TFIP11: variants seen among roughly 807,000 people sequenced by gnomAD.
TFIP11 encodes the protein tuftelin-interacting protein 11.
TFIP11 carries 86 observed loss-of-function variants against 96.8 expected under a neutral mutation model. The ratio of observed to expected loss-of-function variants is 0.89; its 90% CI spans 0.75 to 1.06. The LOEUF is 1.06. TFIP11 is among the 50% of genes least tolerant of loss of function. The probability of loss-of-function intolerance (pLI) is 0.00; values close to 1 mark genes in which losing one functional copy is unlikely to be tolerated. For synonymous variants in TFIP11, 405 were observed against 395.2 expected, an observed-to-expected ratio of 1.02 and a Z score of -0.29; for missense variants, 881 against 1,076.7, an observed-to-expected ratio of 0.82 and a Z score of 2.54.
At chr22:26,494,697 T>C in intron 13 of TFIP11, 100 bp downstream of exon 13, 1 of 1,507,648 alleles carries the variant, frequency 6.6e-7, no homozygotes, top group Non-Finnish European at 9.0e-7. Flanking sequence ...TGTAATTTAT[T>C]TTCATTATGG....
intron 11 of TFIP11, 66 bp from the exon 12 acceptor site, chr22:26,496,382 G>A: frequency 7.2e-6 from 11 of 1,526,526 alleles, no homozygotes; most frequent in Non-Finnish European, 9.7e-6. Context: ...CCCCTGTGTG[G>A]CTAAAGGCAA....
In TFIP11 at chr22:26,492,067, G is replaced by A. The variant is rs16982207; in HGVS notation, c.2460C>T (p.Gly820=). The change falls in exon 15 of 15, where the codon GGC becomes GGT. Residue 820 remains glycine (G), a synonymous_variant. Transcript: ENST00000407690. The part of the protein sequence containing the change: ...YIDRGVVFVQ[G]EKTWVPTSLQ... Reference sequence around the variant, plus strand: ...GTGAGGTGGGCACCCACGTCTTCTCGCCCTGGACAAAGACCACTCCCCGGT... The same window carrying A: ...GTGAGGTGGGCACCCACGTCTTCTCACCCTGGACAAAGACCACTCCCCGGT... 2.7e-3 allele frequency: 4,336 copies of A among 1,611,480 alleles called. 94 individuals carry two copies. The African/African-American group carries it at 0.05, about 19-fold the overall frequency.
In TFIP11 at chr22:26,506,859, T is replaced by C. The variant is rs1358414274; in HGVS notation, c.279A>G (p.Ala93=). ...CTTCGTCATCAGAATCTTCCAACTCTGCCTCCTCCGCTGCCCCTTTCTTGA... is the reference window on the plus strand; with the variant it reads ...CTTCGTCATCAGAATCTTCCAACTCCGCCTCCTCCGCTGCCCCTTTCTTGA... ...AGLKKGAAEE[A]ELEDSDDEEK... is the part of the protein sequence containing the mutation. Residue 93 remains alanine, a synonymous_variant, in exon 5 of 15, where the codon GCA becomes GCG. Transcript: ENST00000407690. 6.2e-7 allele frequency: 1 copy of C among 1,614,102 alleles called. No homozygotes were observed. The highest frequency in any genetic ancestry group is 2.2e-5 in the East Asian group (1 of 44,894).
Position 26,492,113 on chromosome 22 carries a change from C to T in TFIP11, c.2414G>A (p.Gly805Asp). 6.2e-7 allele frequency: 1 copy of T among 1,614,158 alleles called. No individual in the cohort carries two copies. The highest frequency in any genetic ancestry group is 8.5e-7 in the Non-Finnish European group (1 of 1,180,000). The change falls in exon 15 of 15, where the codon GGC (glycine) becomes GAC (aspartate). Residue 805 changes from glycine to aspartate, a missense_variant. Transcript: ENST00000407690. Reference protein sequence around the residue: ...RHEGKQLYTFGRIVIYIDRGV... With the variant: ...RHEGKQLYTFDRIVIYIDRGV... ...CCGGTCGATGTAGATCACAATGCGGCCAAAGGTGTAGAGCTGCTTCCCTTC... is the reference window on the plus strand; with the variant it reads ...CCGGTCGATGTAGATCACAATGCGGTCAAAGGTGTAGAGCTGCTTCCCTTC...
chr22:26,506,155 G>A, intron 6 of TFIP11, 148 bp downstream of exon 6: 1 of 735,938 alleles, frequency 1.4e-6, no homozygotes, highest in South Asian at 2.9e-5. Flanking sequence ...AAGCAAGGTA[G>A]CTTAGGAACG....
At position 26,492,273 on chromosome 22, in the gene TFIP11, G is replaced by A. The variant is rs777944340; in HGVS notation, c.2254C>T (p.Arg752Trp). The A allele has an allele frequency of 9.3e-6, 15 of 1,614,054 alleles. No homozygotes were observed. Among genetic ancestry groups the A allele is most frequent in the African/African-American group, 1.3e-5 (1 of 74,904 alleles). ...CTCTGAGCCATGTTCTCAGCCTCCC[G>A]CCTCTCCTGCATGGCCTCGTACTGG... Reference protein sequence around the residue: ...DFQYEAMQERREAENMAQRGI... With the variant: ...DFQYEAMQERWEAENMAQRGI... Residue 752 changes from arginine to tryptophan, a missense_variant, in exon 15 of 15, where the codon CGG becomes TGG. Transcript: ENST00000407690.
chr22:26,496,995 T>A, intron 10 of TFIP11, 106 bp from the exon 11 acceptor site: 2 of 1,352,972 alleles, frequency 1.5e-6, no homozygotes, highest in Non-Finnish European at 2.0e-6. Flanking sequence ...TGCAACAGCA[T>A]GGAAATCCAA....
At chr22:26,499,664 C>G (rs370407561) in intron 8 of TFIP11, 33 bp from the exon 9 acceptor site, 2 of 1,570,752 alleles carry the variant, frequency 1.3e-6, no homozygotes, top group Non-Finnish European at 8.6e-7. Flanking sequence ...AGGTTAACAC[C>G]GCTGCAGCCC....
intron 4 of TFIP11, among the ~76,000 whole-genome samples, 156 bp downstream of exon 4, chr22:26,509,908 T>G (rs1294263658): frequency 6.6e-6 from 1 of 152,118 alleles, no homozygotes; most frequent in Non-Finnish European, 1.5e-5. Flanking sequence ...CACTCTAGCC[T>G]AAAGAGGAAA....
At chr22:26,499,702 A>G in intron 8 of TFIP11, 71 bp from the exon 9 acceptor site, 4 of 1,485,740 alleles carry the variant, frequency 2.7e-6, no homozygotes, top group Non-Finnish European at 3.6e-6. Flanking sequence ...AGCCCAGGGG[A>G]AGGCCCCATG....
At chr22:26,506,199 G>A (rs1923384091) in intron 6 of TFIP11, 104 bp downstream of exon 6, 1 of 1,304,430 alleles carries the variant, frequency 7.7e-7, no homozygotes, top group Non-Finnish European at 1.0e-6. Flanking sequence ...AGGCTGGAGA[G>A]ATAAAGTGCT....
intron 8 of TFIP11, among the ~76,000 whole-genome samples, chr22:26,501,073 C>T (rs978752024): frequency 6.6e-6 from 1 of 151,738 alleles, no homozygotes; most frequent in Non-Finnish European, 1.5e-5. Context: ...TTAGTAGAGA[C>T]GGGGTTTCAC....
rs1048479505 is a variant in TFIP11 at position 26,492,362 on chromosome 22, T to C, written c.2165A>G (p.Tyr722Cys). The part of the protein sequence containing the change: ...NRAVSSNVGA[Y>C]MQPGARENIA... ...GTTCTCCCGTGCTCCTGGCTGCATG[T>C]AGGCACCTAAGATACAGGAGGACAG... The change falls in exon 15 of 15, where the codon TAC becomes TGC. Residue 722 changes from tyrosine (Y) to cysteine (C), a missense_variant. Coordinates refer to ENST00000407690, the MANE Select transcript of TFIP11 (RefSeq NM_012143.4). 3.1e-6 allele frequency: 5 copies of C among 1,613,918 alleles called. No individual in the cohort carries two copies. Among genetic ancestry groups the C allele is most frequent in the African/African-American group, 2.7e-5 (2 of 74,900 alleles).
At chr22:26,502,211 ACTAT>A (rs2147137960) in intron 7 of TFIP11, 159 bp from the exon 8 acceptor site, 2 of 794,182 alleles carry the variant, frequency 2.5e-6, no homozygotes, top group Non-Finnish European at 4.0e-6. Context: ...AGACACCAAA[ACTAT>A]CTAATGATAC....
At chr22:26,498,582 G>T in intron 10 of TFIP11, 20 of 236,740 alleles carry the variant, frequency 8.4e-5, no homozygotes, top group Non-Finnish European at 1.5e-4. Flanking sequence ...TGGATTCAAT[G>T]TATACTTCTC....
Position 26,506,940 on chromosome 22 carries a change from G to A in TFIP11, c.210-12C>T, listed in dbSNP as rs1404477795. On this transcript the variant is annotated splice_polypyrimidine_tract_variant and intron_variant, in intron 4 of 14. Coordinates refer to ENST00000407690, the MANE Select transcript of TFIP11 (RefSeq NM_012143.4). ...AGTAGTCACGGGCCCTGTAGGCACA[G>A]AAACAAAGCCCCACCAGGTCGGTAA... 1.2e-6 allele frequency: 2 copies of A among 1,612,640 alleles called. No individual in the cohort carries two copies. The highest frequency in any genetic ancestry group is 1.3e-5 in the African/African-American group (1 of 74,868).
At chr22:26,493,379 A>G (rs1456600383) in intron 14 of TFIP11, 1 of 152,290 alleles carries the variant, frequency 6.6e-6, no homozygotes. Context: ...TTCCAGTTCT[A>G]ACTGCCACCC....
At position 26,491,534 on chromosome 22, in the gene TFIP11, T is replaced by C. The variant is rs1921176971; in HGVS notation, c.*479A>G. The C allele has an allele frequency of 1.2e-6, 2 of 1,614,186 alleles. No homozygotes were observed. The highest frequency in any genetic ancestry group is 1.1e-5 in the South Asian group (1 of 91,082). ...ACATGGACATATTTAATGATACCTCTGTCCACTGGTTCCCTGTGCAAAAGC... is the reference window on the plus strand; with the variant it reads ...ACATGGACATATTTAATGATACCTCCGTCCACTGGTTCCCTGTGCAAAAGC... On this transcript the variant is annotated 3_prime_UTR_variant, in exon 15 of 15. Transcript: ENST00000407690.
chr22:26,510,316 G>GTCCTGGGGGCAGCAGTCGAAGGAT (rs752022895), intron 3 of TFIP11, 35 bp from the exon 4 acceptor site: 2 of 1,596,156 alleles, frequency 1.3e-6, no homozygotes, highest in South Asian at 2.2e-5. Flanking sequence ...CAGGCCGTAA[G>GTCCTGGGGGCAGCAGTCGAAGGAT]TCCTGGGGGC....
Sources: allele counts gnomAD v4.1 joint callset (sites outside exome capture counted in the v4.1 genomes callset), GRCh38; gene constraint gnomAD v4.1.1; transcripts MANE v1.5; gene names NCBI Gene and HGNC (gene_info 2026-07-23, HGNC 2026-07-21).